Variants in ZDHHC13 observed in about 807,000 individuals in gnomAD.
The protein encoded by ZDHHC13 is palmitoyltransferase ZDHHC13.
In ZDHHC13, 85 loss-of-function variants were observed where a neutral mutation model predicts 86.0. The observed-to-expected ratio is 0.99, with a 90% CI of 0.83 to 1.18. The LOEUF is 1.18. ZDHHC13 is among the 50% of genes most tolerant of loss of function. The probability of loss-of-function intolerance (pLI) is 0.00; values close to 1 mark genes in which losing one functional copy is unlikely to be tolerated. For missense variants in ZDHHC13, 711 were observed against 730.2 expected (o/e 0.97, Z 0.30); for synonymous variants, 263 against 246.4 (o/e 1.07, Z -0.63).
chr11:19,165,064 T>TTAGA lies in ZDHHC13; in HGVS notation c.1311_1312insGATA (p.Arg438AspfsTer17). 6.2e-7 allele frequency: 1 copy of TTAGA among 1,612,572 alleles called. No homozygotes were observed. The highest frequency in any genetic ancestry group is 8.5e-7 in the Non-Finnish European group (1 of 1,179,262). ...ATTGCCCACTTAGATAAGGAAGCCA[T>TTAGA]TAAGGTCACTCCACTGCCATGTATG... On this transcript the variant is annotated frameshift_variant, in exon 13 of 17. Transcript: ENST00000446113. LOFTEE classifies it high-confidence loss of function.
intron 1 of ZDHHC13, among the ~76,000 whole-genome samples, chr11:19,136,548 A>G (rs1849146957): frequency 6.6e-6 from 1 of 152,214 alleles, no homozygotes. Context: ...GCCAACATTC[A>G]GATTCAGGAA....
At position 19,166,251 on chromosome 11, in the gene ZDHHC13, A is replaced by G. The variant is rs1850062805; in HGVS notation, c.1391-51A>G. The G allele has an allele frequency of 2.7e-6, 4 of 1,476,920 alleles. No homozygotes were observed. The African/African-American group carries it at 4.2e-5, about 16-fold the overall frequency. The allele number at this position is 1,476,920 out of a possible 1,614,324, so 91.5% of individuals were successfully genotyped here. On this transcript the variant is annotated intron_variant, in intron 13 of 16. Coordinates refer to ENST00000446113, the MANE Select transcript of ZDHHC13 (RefSeq NM_019028.3). ...AGTGGTTAAGGAGGTCTTATGTTGA[A>G]AATCAGAAGAAACGAAAATATTAAG...
At chr11:19,120,279 C>T (rs1195069945) in intron 1 of ZDHHC13, among the ~76,000 whole-genome samples, 1 of 152,202 alleles carries the variant, frequency 6.6e-6, no homozygotes, top group African/African-American at 2.4e-5. Context: ...ATGTCTAGAG[C>T]CTCAGCTGCA....
At chr11:19,159,129 C>A in intron 10 of ZDHHC13, 89 bp downstream of exon 10, 1 of 865,236 alleles carries the variant, frequency 1.2e-6, no homozygotes, top group Non-Finnish European at 1.7e-6. Flanking sequence ...TTGGAAAAGG[C>A]CCAGGGAATG....
Position 19,152,276 on chromosome 11 carries a change from A to G in ZDHHC13, c.703A>G (p.Lys235Glu). The change falls in exon 7 of 17, where the codon AAG (lysine) becomes GAG (glutamate). Residue 235 changes from lysine (K) to glutamate (E), a missense_variant. By Grantham distance (56) the Lys-to-Glu change is moderately conservative (BLOSUM62 1). Transcript: ENST00000446113. ...VAAGNVNAVD[K>E]LLEAGSSLDI... ...AGCAGGAAATGTTAATGCAGTTGAT[A>G]AGCTTTTGGAAGCTGGTTCTAGCCT... 6.2e-7 allele frequency: 1 copy of G among 1,613,370 alleles called. No individual in the cohort carries two copies. Among genetic ancestry groups the G allele is most frequent in the South Asian group, 1.1e-5 (1 of 91,026 alleles).
intron 1 of ZDHHC13, among the ~76,000 whole-genome samples, chr11:19,120,306 A>G (rs1360919757): frequency 6.6e-6 from 1 of 152,192 alleles, no homozygotes; most frequent in East Asian, 1.9e-4. Context: ...CATAAGCTGG[A>G]GATGAATTGA....
At chr11:19,159,620 G>A (rs1423765520) in intron 10 of ZDHHC13, among the ~76,000 whole-genome samples, 1 of 151,766 alleles carries the variant, frequency 6.6e-6, no homozygotes, top group African/African-American at 2.4e-5. Flanking sequence ...TTTAATCATG[G>A]CCCATTTAAT....
intron 8 of ZDHHC13, among the ~76,000 whole-genome samples, 166 bp from the exon 9 acceptor site, chr11:19,155,630 A>T (rs1014119483): frequency 1.3e-5 from 2 of 151,830 alleles, no homozygotes; most frequent in Non-Finnish European, 2.9e-5. Context: ...ACAATCTCTC[A>T]AACCTCAAAT....
chr11:19,117,119 A>G (rs1028788136), upstream of ZDHHC13: 3 of 998,066 alleles, frequency 3.0e-6, no homozygotes, highest in African/African-American at 3.2e-5. This position sits in a 1 kb window ranked among gnomAD's most constrained non-coding sequence, Gnocchi z 4.2. Flanking sequence ...TCAGGGCACG[A>G]GCGGGGACCG....
At chr11:19,170,899 C>T (rs534899437) in intron 15 of ZDHHC13, among the ~76,000 whole-genome samples, 1 of 152,172 alleles carries the variant, frequency 6.6e-6, no homozygotes, top group Non-Finnish European at 1.5e-5. Context: ...CAAGGTCACC[C>T]AGTGTGTGGC....
chr11:19,139,593 G>T (rs1849248921), intron 1 of ZDHHC13, among the ~76,000 whole-genome samples: 1 of 150,288 alleles, frequency 6.7e-6, no homozygotes, highest in Admixed American at 6.7e-5. Context: ...CCAAAAAAGA[G>T]CCCGCATCGC....
chr11:19,140,391 G>A (rs891123147), intron 1 of ZDHHC13, among the ~76,000 whole-genome samples: 1 of 152,164 alleles, frequency 6.6e-6, no homozygotes, highest in African/African-American at 2.4e-5. Context: ...AGTTAGAATG[G>A]CAATCCTTAA....
At chr11:19,134,289 A>C (rs1590065088) in intron 1 of ZDHHC13, among the ~76,000 whole-genome samples, 1 of 152,274 alleles carries the variant, frequency 6.6e-6, no homozygotes, top group East Asian at 1.9e-4. Flanking sequence ...TGAGGCCAGG[A>C]GTTCAAGACC....
At chr11:19,170,935 T>C (rs1850205606) in intron 15 of ZDHHC13, among the ~76,000 whole-genome samples, 1 of 152,224 alleles carries the variant, frequency 6.6e-6, no homozygotes. Flanking sequence ...AACTTAGGTC[T>C]TCTGCCAGTC....
intron 10 of ZDHHC13, among the ~76,000 whole-genome samples, chr11:19,161,997 G>C (rs1309610990): frequency 6.6e-6 from 1 of 152,136 alleles, no homozygotes; most frequent in East Asian, 1.9e-4. Flanking sequence ...TTTTAAAAGA[G>C]AGAATGACAA....
chr11:19,153,320 T>C (rs996320766), intron 8 of ZDHHC13, among the ~76,000 whole-genome samples: 17 of 152,200 alleles, frequency 1.1e-4, no homozygotes, highest in Non-Finnish European at 2.1e-4. Flanking sequence ...TAAGAAAATC[T>C]AAGTCATAGA....
chr11:19,117,708 C>T lies in ZDHHC13; in HGVS notation c.27+432C>T, dbSNP rs1209869463. On this transcript the variant is annotated intron_variant, in intron 1 of 16. Transcript: ENST00000446113. The surrounding 1 kb of genome is among the most constrained non-coding windows in gnomAD (Gnocchi z 4.2). ...CTTTTTCAGCCCTGGCGTCTTAGCA[C>T]CCGCCTTCACCCCACCCAGTCCAGT... 1.2e-5 allele frequency: 2 copies of T among 171,030 alleles called. No homozygotes were observed. Among genetic ancestry groups the T allele is most frequent in the South Asian group, 1.9e-4 (1 of 5,172 alleles). The allele number at this position is 171,030 out of a possible 1,614,324, so 10.6% of individuals were successfully genotyped here.
intron 1 of ZDHHC13, among the ~76,000 whole-genome samples, chr11:19,121,611 G>A (rs1409036610): frequency 6.6e-6 from 1 of 152,300 alleles, no homozygotes; most frequent in East Asian, 1.9e-4. Context: ...CTTGGGAGTT[G>A]GCTGGCATCA....
chr11:19,140,763 G>T (rs936691404), intron 1 of ZDHHC13, among the ~76,000 whole-genome samples: 1 of 152,146 alleles, frequency 6.6e-6, no homozygotes, highest in Non-Finnish European at 1.5e-5. Flanking sequence ...CACGTCCTTT[G>T]TGGGGACATG....
Sources: gnomAD v4.1 joint callset for allele counts (sites outside exome capture counted in the v4.1 genomes callset) on GRCh38, gnomAD v4.1.1 for gene constraint, Gnocchi (gnomAD v3.1) non-coding constraint, MANE v1.5 for transcripts, NCBI Gene and HGNC (gene_info 2026-07-23, HGNC 2026-07-21) for gene names.